The following ZNG1A variants were observed in gnomAD, a reference collection of about 807,000 sequenced individuals.
ZNG1A encodes zinc-regulated GTPase metalloprotein activator 1A.
chr9:124,768 T>C, the ZNG1A span, among the ~76,000 whole-genome samples: 9 of 133,614 alleles, frequency 6.7e-5, no homozygotes, highest in African/African-American at 2.3e-4. Context: ...TGCATCCTCA[T>C]AGCTTAGCTC....
At chr9:163,659 G>A in the ZNG1A span, among the ~76,000 whole-genome samples, 1 of 151,998 alleles carries the variant, frequency 6.6e-6, no homozygotes, top group Non-Finnish European at 1.5e-5. Context: ...GCTCACGCCT[G>A]TAATCCCAGC....
chr9:160,583 T>C, the ZNG1A span, among the ~76,000 whole-genome samples: 30 of 151,394 alleles, frequency 2.0e-4, no homozygotes, highest in African/African-American at 7.0e-4. Flanking sequence ...GTTTGCATTA[T>C]TCAGAATGTT....
chr9:142,771 G>C, the ZNG1A span, among the ~76,000 whole-genome samples: 159 of 144,702 alleles, frequency 1.1e-3, no homozygotes, highest in Non-Finnish European at 1.9e-3. Context: ...TTTTTGAAAG[G>C]ATCAACAAAA....
chr9:140,340 A>G, the ZNG1A span, among the ~76,000 whole-genome samples: 3 of 151,788 alleles, frequency 2.0e-5, no homozygotes, highest in African/African-American at 7.3e-5. Flanking sequence ...TGCCTCCTCA[A>G]GTGGGTCCCT....
At chr9:126,502 T>C in the ZNG1A span, among the ~76,000 whole-genome samples, 170 of 152,194 alleles carry the variant, frequency 1.1e-3, no homozygotes, top group African/African-American at 3.9e-3. Context: ...TGTAAAGGTG[T>C]TCATGGTAGC....
the ZNG1A span, among the ~76,000 whole-genome samples, chr9:159,477 G>A: frequency 1.3e-5 from 2 of 152,186 alleles, no homozygotes; most frequent in Non-Finnish European, 2.9e-5. Flanking sequence ...GTGATGGATA[G>A]GTTAACTAGC....
chr9:146,843 C>G, the ZNG1A span: 1 of 149,342 alleles, frequency 6.7e-6, no homozygotes, highest in African/African-American at 2.5e-5. Context: ...TTTATAAAGA[C>G]TGGTGATTGA....
chr9:143,172 G>C, the ZNG1A span, among the ~76,000 whole-genome samples: 1 of 149,114 alleles, frequency 6.7e-6, no homozygotes, highest in Non-Finnish European at 1.5e-5. Context: ...GAAAAAGAGG[G>C]AATACTCCCT....
At chr9:147,759 G>T in the ZNG1A span, 1 of 146,348 alleles carries the variant, frequency 6.8e-6, no homozygotes, top group Middle Eastern at 3.2e-3. Flanking sequence ...ACAGGTCACA[G>T]ACAAGGGGCA....
chr9:135,145 T>G, the ZNG1A span: 9 of 1,488,604 alleles, frequency 6.0e-6, no homozygotes, highest in Non-Finnish European at 8.2e-6. Context: ...ATTCTAATAT[T>G]CTGTAATTGC....
chr9:130,187 G>A, the ZNG1A span, among the ~76,000 whole-genome samples: 5 of 148,888 alleles, frequency 3.4e-5, no homozygotes, highest in Non-Finnish European at 5.9e-5. Flanking sequence ...TATAGCATAA[G>A]GTAATAATAA....
the ZNG1A span, chr9:151,091 T>C: frequency 0.039 from 38,158 of 980,574 alleles, 246 homozygotes; most frequent in African/African-American, 0.093. Context: ...GAATTTGAAA[T>C]GCAGGGAGCA....
At chr9:131,338 G>C in the ZNG1A span, among the ~76,000 whole-genome samples, 7,843 of 148,144 alleles carry the variant, frequency 0.053, 358 homozygotes, top group African/African-American at 0.075. Flanking sequence ...ACTCAGGTTT[G>C]TTTATTTAGT....
At chr9:142,132 A>G in the ZNG1A span, among the ~76,000 whole-genome samples, 2 of 148,668 alleles carry the variant, frequency 1.3e-5, no homozygotes, top group Admixed American at 1.3e-4. Context: ...AGACAGATCA[A>G]TGAGACAGAA....
the ZNG1A span, chr9:122,241 G>C: frequency 7.0e-7 from 1 of 1,422,994 alleles, no homozygotes; most frequent in Non-Finnish European, 9.2e-7. Context: ...CCAATTATTT[G>C]TGAATTACAA....
At chr9:171,620 T>A in the ZNG1A span, 1 of 186,830 alleles carries the variant, frequency 5.4e-6, no homozygotes, top group African/African-American at 2.4e-5. Flanking sequence ...ATAAGTAATC[T>A]ACAGATGATT....
the ZNG1A span, chr9:160,031 A>G: frequency 1.5e-5 from 7 of 454,316 alleles, no homozygotes; most frequent in South Asian, 1.1e-4. Context: ...CATTGCTTCT[A>G]TTGCATTAAA....
At chr9:156,156 T>C in the ZNG1A span, among the ~76,000 whole-genome samples, 1 of 16,018 alleles carries the variant, frequency 6.2e-5, no homozygotes, top group Non-Finnish European at 2.0e-4. Flanking sequence ...TTATTATACA[T>C]ATATATATAT....
the ZNG1A span, among the ~76,000 whole-genome samples, chr9:174,025 T>C: frequency 1.4e-4 from 21 of 151,794 alleles, no homozygotes; most frequent in Non-Finnish European, 1.5e-5. Flanking sequence ...CGGGTGCCTG[T>C]AGTCCCAGCT....
Sources: allele counts gnomAD v4.1 joint callset (sites outside exome capture counted in the v4.1 genomes callset), GRCh38; gene constraint gnomAD v4.1.1; transcripts MANE v1.5; gene names NCBI Gene and HGNC (gene_info 2026-07-23, HGNC 2026-07-21).